Variants in NAV1 observed in about 807,000 individuals in gnomAD.
NAV1 encodes the protein neuron navigator 1, also known as pore membrane and/or filament interacting like protein 3.
NAV1 carries 18 observed loss-of-function variants against 175.2 expected under a neutral mutation model. The observed-to-expected ratio is 0.10, with a 90% CI of 0.07 to 0.15. The LOEUF (loss-of-function observed/expected upper bound fraction) is 0.15, where lower values mean the gene tolerates loss of function less well. Among genes scored for constraint, NAV1 ranks in the 10% least tolerant of loss-of-function variants. The pLI is 1.00. For synonymous variants in NAV1, 897 were observed against 978.7 expected (o/e 0.92, Z 1.56); for missense variants, 1,731 against 2,436.6 (o/e 0.71, Z 6.10).
chr1:201,780,834 A>G (rs761565535), intron 4 of NAV1, among the ~76,000 whole-genome samples, 178 bp from the exon 9 acceptor site: 15 of 151,886 alleles, frequency 9.9e-5, no homozygotes, highest in East Asian at 1.9e-4. Flanking sequence ...AGAAAAAGAA[A>G]CCCCGAGATA....
intron 16 of NAV1, chr1:201,804,132 T>A (rs1678126319): frequency 2.2e-6 from 1 of 449,010 alleles, no homozygotes; most frequent in South Asian, 2.1e-5. Flanking sequence ...TTTTTGGGGA[T>A]GTTTTGTGGA....
chr1:201,629,910 A>G (rs1239256240), intron 2 of NAV1, among the ~76,000 whole-genome samples: 2 of 152,224 alleles, frequency 1.3e-5, no homozygotes, highest in Non-Finnish European at 2.9e-5. Context: ...TTCCCCTTCC[A>G]GGACCACTTT....
chr1:201,604,793 AGAAG>A (rs150180381), intron 2 of NAV1, among the ~76,000 whole-genome samples: 11 of 151,334 alleles, frequency 7.3e-5, no homozygotes, highest in African/African-American at 1.7e-4. Flanking sequence ...AAAGAAGGAA[AGAAG>A]GAAGGAAGGA....
At chr1:201,616,520 T>A (rs1668006386) in intron 2 of NAV1, among the ~76,000 whole-genome samples, 1 of 151,992 alleles carries the variant, frequency 6.6e-6, no homozygotes, top group Non-Finnish European at 1.5e-5. Flanking sequence ...GAAGTTTCAC[T>A]GTTGTTGCCC....
Position 201,693,027 on chromosome 1 carries a change from C to T in NAV1, c.758-19790C>T, listed in dbSNP as rs1306201511. 2.0e-5 allele frequency among the ~76,000 whole-genome samples: 3 copies of T among 152,306 alleles called. No individual in the cohort carries two copies. In the East Asian group the frequency reaches 5.8e-4, roughly 29 times the overall value. Reference sequence around the variant, plus strand: ...GTGGCAAATGGAGACATGAGGCTGCCTCCCTGTCCATCTCTTAACCAGAGG... The same window carrying T: ...GTGGCAAATGGAGACATGAGGCTGCTTCCCTGTCCATCTCTTAACCAGAGG... On this transcript the variant is annotated intron_variant, in intron 1 of 29. Transcript: ENST00000367296.
Position 201,782,694 on chromosome 1 carries a change from C to T in NAV1, c.2182C>T (p.Pro728Ser), listed in dbSNP as rs868767633. The T allele has an allele frequency of 6.2e-7, 1 of 1,614,162 alleles. No homozygotes were observed. The highest frequency in any genetic ancestry group is 1.1e-5 in the South Asian group (1 of 91,072). The change falls in exon 6 of 30, where the codon CCA becomes TCA. Residue 728 changes from proline (P) to serine (S), a missense_variant. Transcript: ENST00000367296. This position sits in a 1 kb window ranked among gnomAD's most constrained non-coding sequence, Gnocchi z 5.4. Reference sequence around the variant, plus strand: ...CAAGGTAGCCAGTGGGCGGACCACTCCAGCCCCTGTCAATCAGACAGATCG... The same window carrying T: ...CAAGGTAGCCAGTGGGCGGACCACTTCAGCCCCTGTCAATCAGACAGATCG...
intron 3 of NAV1, among the ~76,000 whole-genome samples, chr1:201,742,589 A>G (rs1370649794): frequency 6.6e-6 from 1 of 152,140 alleles, no homozygotes; most frequent in Non-Finnish European, 1.5e-5. Context: ...AAGTCCAGGC[A>G]TCTATCCCAT....
chr1:201,734,499 G>GAGGAGAAGAAGA (rs1184118304), intron 3 of NAV1, among the ~76,000 whole-genome samples: 1 of 121,060 alleles, frequency 8.3e-6, no homozygotes, highest in Non-Finnish European at 1.8e-5. Context: ...GAAGGAGAAG[G>GAGGAGAAGAAGA]AGAAGAAGAA....
At chr1:201,754,935 T>C (rs1014375196) in intron 3 of NAV1, among the ~76,000 whole-genome samples, 3 of 152,228 alleles carry the variant, frequency 2.0e-5, no homozygotes, top group African/African-American at 4.8e-5. Context: ...TGCTACAATG[T>C]TAAAGAATAT....
intron 1 of NAV1, among the ~76,000 whole-genome samples, chr1:201,560,812 T>A: frequency 6.6e-6 from 1 of 152,132 alleles, no homozygotes; most frequent in East Asian, 1.9e-4. Flanking sequence ...GATCTGTGGA[T>A]CCTTGCCATG....
chr1:201,615,267 C>T (rs202156260), intron 2 of NAV1, among the ~76,000 whole-genome samples: 29,173 of 140,840 alleles, frequency 0.21, 4,299 homozygotes, highest in African/African-American at 0.41. Flanking sequence ...TTCTTTCTTT[C>T]TTTTTTTTTT....
At chr1:201,615,948 T>A (rs1248612248) in intron 2 of NAV1, among the ~76,000 whole-genome samples, 1 of 152,174 alleles carries the variant, frequency 6.6e-6, no homozygotes, top group East Asian at 1.9e-4. Flanking sequence ...CTCAGGAGAA[T>A]GAGGCAGCTC....
At chr1:201,662,647 AG>A (rs1183606836) in intron 1 of NAV1, among the ~76,000 whole-genome samples, 3 of 152,208 alleles carry the variant, frequency 2.0e-5, no homozygotes, top group African/African-American at 7.2e-5. Flanking sequence ...TGGATTATCT[AG>A]AAGAGTGAGC....
At chr1:201,758,208 G>A (rs1408024037) in intron 3 of NAV1, among the ~76,000 whole-genome samples, 1 of 152,212 alleles carries the variant, frequency 6.6e-6, no homozygotes. Flanking sequence ...AAGAGTGCCT[G>A]TCCCACCACA....
chr1:201,678,850 AAGG>A (rs1186925093), intron 1 of NAV1, among the ~76,000 whole-genome samples: 1 of 151,852 alleles, frequency 6.6e-6, no homozygotes, highest in East Asian at 1.9e-4. Context: ...GAAAAAGTCG[AAGG>A]AGGAAGGCTC....
rs1167954209 is a variant in NAV1 at position 201,750,379 on chromosome 1, G to A, written c.1227-30042G>A. The stretch of plus-strand genomic sequence containing the variant: ...TGGTATGAGAGTTGACCAAGTCAGG[G>A]TGGGGAGGGGAGGAAGAGGGGCAGG... On this transcript the variant is annotated intron_variant, in intron 3 of 29. Transcript: ENST00000367296. The surrounding 1 kb of genome is among the most constrained non-coding windows in gnomAD (Gnocchi z 4.1). 3.9e-5 allele frequency among the ~76,000 whole-genome samples: 6 copies of A among 152,126 alleles called. No homozygotes were observed. In the South Asian group the frequency reaches 6.2e-4, roughly 16 times the overall value.
chr1:201,555,876 C>A (rs560296528), intron 1 of NAV1, among the ~76,000 whole-genome samples: 1 of 72,894 alleles, frequency 1.4e-5, no homozygotes, highest in Non-Finnish European at 2.6e-5. Context: ...GGGCGGGGGG[C>A]GGGGCAGATT....
chr1:201,585,339 G>A (rs1479720810), intron 1 of NAV1, among the ~76,000 whole-genome samples: 1 of 152,168 alleles, frequency 6.6e-6, no homozygotes, highest in Non-Finnish European at 1.5e-5. Flanking sequence ...GGTTTCTGTG[G>A]TCAGCTAAGT....
At chr1:201,729,669 G>A (rs1462160108) in intron 3 of NAV1, among the ~76,000 whole-genome samples, 2 of 152,112 alleles carry the variant, frequency 1.3e-5, no homozygotes, top group Non-Finnish European at 2.9e-5. Context: ...CACTTCGGGA[G>A]GCCGAGGCGG....
Sources: allele counts gnomAD v4.1 joint callset (sites outside exome capture counted in the v4.1 genomes callset), GRCh38; gene constraint gnomAD v4.1.1; non-coding constraint Gnocchi (gnomAD v3.1); transcripts MANE v1.5; gene names NCBI Gene and HGNC (gene_info 2026-07-23, HGNC 2026-07-21).